The following PTPRM variants were observed in gnomAD, a reference collection of about 807,000 sequenced individuals.
PTPRM encodes the protein protein tyrosine phosphatase receptor type M.
In PTPRM, 47 loss-of-function variants were observed where a neutral mutation model predicts 186.7. The ratio of observed to expected loss-of-function variants is 0.25; its 90% CI spans 0.20 to 0.32. The LOEUF (loss-of-function observed/expected upper bound fraction) is 0.32. Among genes scored for constraint, PTPRM ranks in the 10% least tolerant of loss-of-function variants. The pLI is 1.00. For missense variants in PTPRM, 1,494 were observed against 1,865.0 expected, an observed-to-expected ratio of 0.80 and a Z score of 3.66; for synonymous variants, 668 against 674.9, an observed-to-expected ratio of 0.99 and a Z score of 0.16.
At chr18:8,343,924 C>T (rs529790481) in intron 23 of PTPRM, among the ~76,000 whole-genome samples, 93 of 152,280 alleles carry the variant, frequency 6.1e-4, no homozygotes, top group African/African-American at 2.2e-3. Context: ...ATTAGAATTC[C>T]AGCATCTTCT....
At chr18:8,344,874 T>C (rs1000691650) in intron 23 of PTPRM, among the ~76,000 whole-genome samples, 2 of 151,790 alleles carry the variant, frequency 1.3e-5, no homozygotes, top group South Asian at 4.2e-4. Flanking sequence ...CCACAAACAG[T>C]AGACCCTCAG....
At chr18:7,789,031 A>G (rs1022981806) in intron 2 of PTPRM, among the ~76,000 whole-genome samples, 15 of 152,100 alleles carry the variant, frequency 9.9e-5, no homozygotes, top group Non-Finnish European at 4.4e-5. Flanking sequence ...CCAGATAAAG[A>G]ATATCTTGGG....
intron 2 of PTPRM, among the ~76,000 whole-genome samples, chr18:7,796,132 C>G (rs1163862525): frequency 6.6e-6 from 1 of 151,196 alleles, no homozygotes; most frequent in African/African-American, 2.5e-5. Flanking sequence ...GACTCAAACA[C>G]CACACAGCAA....
At chr18:8,083,075 G>A (rs1476002433) in intron 9 of PTPRM, among the ~76,000 whole-genome samples, 1 of 151,884 alleles carries the variant, frequency 6.6e-6, no homozygotes, top group Non-Finnish European at 1.5e-5. Flanking sequence ...CCAAGCCCCT[G>A]TATTTTCTCC....
intron 7 of PTPRM, among the ~76,000 whole-genome samples, chr18:8,058,000 C>A (rs1412581188): frequency 2.3e-4 from 9 of 38,844 alleles, no homozygotes; most frequent in Non-Finnish European, 3.1e-4. Flanking sequence ...AATGGTATTT[C>A]TAGTTCTAGA....
intron 7 of PTPRM, among the ~76,000 whole-genome samples, chr18:7,969,447 T>C (rs1294217541): frequency 1.4e-5 from 2 of 139,798 alleles, no homozygotes; most frequent in African/African-American, 5.6e-5. Flanking sequence ...AGGCAAGAAA[T>C]AACTAAAATC....
At chr18:7,839,189 G>A (rs756404776) in intron 2 of PTPRM, among the ~76,000 whole-genome samples, 4 of 152,166 alleles carry the variant, frequency 2.6e-5, no homozygotes, top group South Asian at 2.1e-4. Flanking sequence ...CACTGTGCCC[G>A]AGGTGGTACC....
At chr18:7,929,674 G>T (rs1283279730) in intron 5 of PTPRM, among the ~76,000 whole-genome samples, 1 of 152,170 alleles carries the variant, frequency 6.6e-6, no homozygotes, top group Non-Finnish European at 1.5e-5. Flanking sequence ...TGCAAGGGTG[G>T]TTTTTATTAA....
chr18:7,596,191 C>T (rs760381942), intron 1 of PTPRM, among the ~76,000 whole-genome samples: 7 of 152,226 alleles, frequency 4.6e-5, no homozygotes, highest in Admixed American at 2.0e-4. Flanking sequence ...CACTGTCATA[C>T]GGTGACAGTT....
intron 7 of PTPRM, among the ~76,000 whole-genome samples, chr18:7,981,616 T>C (rs2082555034): frequency 6.6e-6 from 1 of 152,114 alleles, no homozygotes; most frequent in Non-Finnish European, 1.5e-5. Flanking sequence ...TACTGAAATA[T>C]ATATGAGTAT....
chr18:7,637,655 G>A (rs1326900858), intron 1 of PTPRM, among the ~76,000 whole-genome samples: 1 of 152,108 alleles, frequency 6.6e-6, no homozygotes, highest in Non-Finnish European at 1.5e-5. Flanking sequence ...GGATATAGTA[G>A]GTTCTTAATA....
Position 8,173,305 on chromosome 18 carries a change from A to G in PTPRM, c.2300+29526A>G, listed in dbSNP as rs114817405. On this transcript the variant is annotated intron_variant, in intron 14 of 32. Transcript: ENST00000580170. ...TTTTCAGATATAATGGTAATGATATATATGCTGTTGGAACAAGTATTAGCA... is the reference window on the plus strand; with the variant it reads ...TTTTCAGATATAATGGTAATGATATGTATGCTGTTGGAACAAGTATTAGCA... Among the ~76,000 whole-genome samples the G allele has an allele frequency of 4.3e-3, 655 of 152,326 alleles. 4 individuals are homozygous for G. Among genetic ancestry groups the G allele is most frequent in the African/African-American group, 0.015 (636 of 41,552 alleles).
intron 1 of PTPRM, among the ~76,000 whole-genome samples, chr18:7,615,169 C>T (rs535610950): frequency 6.6e-6 from 1 of 151,946 alleles, no homozygotes; most frequent in East Asian, 1.9e-4. Context: ...TTGATTTTGC[C>T]TAAAACAAAA....
chr18:8,058,346 G>A (rs2088187744), intron 7 of PTPRM, among the ~76,000 whole-genome samples: 1 of 11,968 alleles, frequency 8.4e-5, no homozygotes, highest in African/African-American at 4.1e-4. Context: ...TGTAGATTCT[G>A]GATATTAGCC....
intron 19 of PTPRM, among the ~76,000 whole-genome samples, chr18:8,258,582 A>G (rs964697643): frequency 1.3e-5 from 2 of 151,934 alleles, no homozygotes; most frequent in African/African-American, 4.8e-5. Context: ...TTATGCCTCA[A>G]TTTTTGAACT....
chr18:7,767,021 A>G (rs1275072366), intron 1 of PTPRM, among the ~76,000 whole-genome samples: 1 of 152,224 alleles, frequency 6.6e-6, no homozygotes, highest in Non-Finnish European at 1.5e-5. Context: ...CATCATGACT[A>G]TATTTTGCCT....
chr18:7,576,886 A>T (rs1319140301), intron 1 of PTPRM, among the ~76,000 whole-genome samples: 1 of 152,216 alleles, frequency 6.6e-6, no homozygotes, highest in Non-Finnish European at 1.5e-5. Flanking sequence ...ACTCAGTGTG[A>T]TGTTCCATCT....
intron 1 of PTPRM, among the ~76,000 whole-genome samples, chr18:7,708,713 G>A (rs1191051534): frequency 6.6e-6 from 1 of 152,066 alleles, no homozygotes; most frequent in Non-Finnish European, 1.5e-5. Context: ...ACTGGTAGAG[G>A]CTAGACTCCA....
At chr18:7,650,886 G>A (rs191946909) in intron 1 of PTPRM, among the ~76,000 whole-genome samples, 2 of 150,008 alleles carry the variant, frequency 1.3e-5, no homozygotes, top group Admixed American at 1.3e-4. Flanking sequence ...TAAACTCAAT[G>A]TAAAATGCAA....
Sources: allele counts gnomAD v4.1 joint callset (sites outside exome capture counted in the v4.1 genomes callset), GRCh38; gene constraint gnomAD v4.1.1; transcripts MANE v1.5; gene names NCBI Gene and HGNC (gene_info 2026-07-23, HGNC 2026-07-21).